SYNRG: variants seen among roughly 807,000 people sequenced by gnomAD.
The protein encoded by SYNRG is synergin gamma.
A neutral mutation model predicts 130.9 loss-of-function variants in SYNRG; 37 were observed. The ratio of observed to expected loss-of-function variants is 0.28; its 90% CI spans 0.22 to 0.37. The LOEUF is 0.37. Ranked by LOEUF, SYNRG falls within the 10% of genes least tolerant of loss-of-function variation. The pLI is 1.00. For synonymous variants in SYNRG, 539 were observed against 568.1 expected (o/e 0.95, Z 0.73); for missense variants, 1,338 against 1,588.9 (o/e 0.84, Z 2.68).
rs1373206011 is a variant in SYNRG, at chr17:37,526,169, C to T, written c.3667-5521G>A. 5.3e-5 allele frequency among the ~76,000 whole-genome samples: 8 copies of T among 152,094 alleles called. No individual in the cohort carries two copies. The East Asian group carries it at 9.6e-4, about 18-fold the overall frequency. On this transcript the variant is annotated intron_variant, in intron 19 of 21. Transcript: ENST00000612223. ...AAGAGTGTCACCTCTGGGAAGAAGC[C>T]TTTAAGACCAATGTGCTATTTCTCA...
rs533713009 is a variant in SYNRG, at chr17:37,607,883, G to C, written c.77+1396C>G. ...AGGCAAGAGAATCGCTTGGACCCAG[G>C]AGGCAGAGGTTGCAGCGGGTCGAGA... On this transcript the variant is annotated intron_variant, in intron 1 of 21. Coordinates refer to ENST00000612223, the MANE Select transcript of SYNRG (RefSeq NM_007247.6). Among the ~76,000 whole-genome samples, 108 of 147,220 alleles carry C rather than the reference G, an allele frequency of 7.3e-4. 1 individual carries two copies. Among genetic ancestry groups the C allele is most frequent in the Admixed American group, 2.6e-3 (37 of 14,140 alleles).
At chr17:37,534,580 ATC>A (rs1393170238) in intron 19 of SYNRG, among the ~76,000 whole-genome samples, 1 of 152,014 alleles carries the variant, frequency 6.6e-6, no homozygotes, top group Non-Finnish European at 1.5e-5. Flanking sequence ...ACATAATTTT[ATC>A]TCTTTTTTCA....
At chr17:37,560,102 G>A (rs369629114) in intron 13 of SYNRG, among the ~76,000 whole-genome samples, 2 of 152,106 alleles carry the variant, frequency 1.3e-5, no homozygotes, top group African/African-American at 4.8e-5. Context: ...GTAGAGACAA[G>A]GTCTCACTAT....
chr17:37,587,598 T>C (rs1436171163), intron 3 of SYNRG, among the ~76,000 whole-genome samples: 1 of 152,218 alleles, frequency 6.6e-6, no homozygotes, highest in Non-Finnish European at 1.5e-5. Flanking sequence ...CATCATCTAC[T>C]ATCCGATCTT....
chr17:37,607,952 T>A (rs2063914382), intron 1 of SYNRG, among the ~76,000 whole-genome samples: 2 of 36,374 alleles, frequency 5.5e-5, no homozygotes. Context: ...CAAGACTTCC[T>A]CTCAAAAAAA....
chr17:37,568,968 A>C, intron 10 of SYNRG, 44 bp from the exon 11 acceptor site: 1 of 1,575,278 alleles, frequency 6.3e-7, no homozygotes, highest in Non-Finnish European at 8.6e-7. Flanking sequence ...CTGACTGACA[A>C]AATAAATACA....
chr17:37,593,117 C>G (rs753682275), intron 3 of SYNRG, among the ~76,000 whole-genome samples: 1 of 151,808 alleles, frequency 6.6e-6, no homozygotes, highest in Non-Finnish European at 1.5e-5. Context: ...TAATAATAAT[C>G]AAGACTAAAT....
intron 19 of SYNRG, among the ~76,000 whole-genome samples, chr17:37,526,825 C>T (rs960001269): frequency 3.9e-5 from 6 of 152,172 alleles, no homozygotes; most frequent in African/African-American, 1.4e-4. Context: ...TCCAGGATAC[C>T]TTCCCCAAAG....
At chr17:37,561,066 G>GT (rs2059491875) in intron 13 of SYNRG, 129 bp downstream of exon 13, 1 of 758,596 alleles carries the variant, frequency 1.3e-6, no homozygotes, top group Non-Finnish European at 2.2e-6. Flanking sequence ...TGTCCATTCA[G>GT]TTTTTTTCTC....
intron 15 of SYNRG, chr17:37,541,586 G>A (rs2057766126): frequency 4.7e-6 from 1 of 214,742 alleles, no homozygotes; most frequent in African/African-American, 2.3e-5. Context: ...GCTAGATGCA[G>A]ATCCCCGGCC....
Position 37,560,427 on chromosome 17 carries a change from CCT to C in SYNRG, c.1663+766_1663+767del, listed in dbSNP as rs1246425571. On this transcript the variant is annotated intron_variant, in intron 13 of 21. Coordinates refer to ENST00000612223, the MANE Select transcript of SYNRG (RefSeq NM_007247.6). ...CTTGGTTCACTGCAACCTCTGCCTCCCTGAGTTCAAGCGATTCTTGTGCCTCA... is the reference window on the plus strand; with the variant it reads ...CTTGGTTCACTGCAACCTCTGCCTCCGAGTTCAAGCGATTCTTGTGCCTCA... 2.7e-5 allele frequency among the ~76,000 whole-genome samples: 4 copies of C among 150,734 alleles called. No individual in the cohort carries two copies. In the East Asian group the frequency reaches 7.8e-4, roughly 30 times the overall value.
chr17:37,536,103 G>A lies in SYNRG; in HGVS notation c.3542C>T (p.Thr1181Ile). ...LLGVVEVYRV[T>I]KRVELGIKAT... ...TTTTATCCCCAGCTCCACACGCTTG[G>A]TTACCCTGTACACTTCAACAACACC... The change falls in exon 19 of 22, where the codon ACC becomes ATC. Residue 1181 changes from threonine (T) to isoleucine (I), a missense_variant. Physicochemically the swap from Thr to Ile is moderately conservative, Grantham distance 89. Transcript: ENST00000612223. 6.2e-7 allele frequency: 1 copy of A among 1,613,774 alleles called. No individual in the cohort carries two copies. The highest frequency in any genetic ancestry group is 8.5e-7 in the Non-Finnish European group (1 of 1,179,890).
intron 6 of SYNRG, among the ~76,000 whole-genome samples, chr17:37,582,482 G>A (rs1172838108): frequency 2.0e-5 from 3 of 152,116 alleles, no homozygotes; most frequent in Non-Finnish European, 2.9e-5. Flanking sequence ...TTTGCATTTG[G>A]CTGGAATGTG....
chr17:37,542,057 G>T lies in SYNRG; in HGVS notation c.3117C>A (p.Phe1039Leu), dbSNP rs1164491348. The stretch of plus-strand genomic sequence containing the variant: ...TTTTGCTTTGTGAAGTGGCTACTAA[G>T]AAGTCAAATTTGCTGATTTTGGGCT... The part of the protein sequence containing the change: ...SEKPKISKFD[F>L]LVATSQSKMK... The change falls in exon 15 of 22, where the codon TTC becomes TTA. Residue 1039 changes from phenylalanine to leucine, a missense_variant. Physicochemically the swap from Phe to Leu is conservative, Grantham distance 22. Around this residue, in one of 3 missense-constraint regions of SYNRG, gnomAD observed 1,146 missense variants for 1,342.3 expected, o/e 0.85. Coordinates refer to ENST00000612223, the MANE Select transcript of SYNRG (RefSeq NM_007247.6). The T allele has an allele frequency of 1.2e-6, 2 of 1,614,186 alleles. No individual in the cohort carries two copies. Among genetic ancestry groups the T allele is most frequent in the Admixed American group, 1.7e-5 (1 of 60,024 alleles).
chr17:37,566,697 C>A (rs936794284), intron 11 of SYNRG, among the ~76,000 whole-genome samples: 4 of 152,064 alleles, frequency 2.6e-5, no homozygotes, highest in African/African-American at 9.7e-5. Flanking sequence ...GATAATGCCA[C>A]ACAAAATTGC....
chr17:37,575,517 T>TG (rs989768552), intron 8 of SYNRG, among the ~76,000 whole-genome samples: 1 of 152,000 alleles, frequency 6.6e-6, no homozygotes, highest in Non-Finnish European at 1.5e-5. Context: ...CTTTTTTTTT[T>TG]CTTCTTGGCT....
intron 3 of SYNRG, among the ~76,000 whole-genome samples, chr17:37,594,811 C>T (rs1391135962): frequency 6.6e-6 from 1 of 152,174 alleles, no homozygotes; most frequent in African/African-American, 2.4e-5. Context: ...GGTTTACATT[C>T]GTCCTGGTAT....
chr17:37,532,238 GA>G (rs2056703617), intron 19 of SYNRG, among the ~76,000 whole-genome samples: 1 of 152,234 alleles, frequency 6.6e-6, no homozygotes, highest in East Asian at 1.9e-4. Flanking sequence ...CTGTCTTCAA[GA>G]AGTTCACAGT....
intron 1 of SYNRG, among the ~76,000 whole-genome samples, chr17:37,606,454 T>A (rs551761547): frequency 1.0e-3 from 155 of 152,326 alleles, no homozygotes; most frequent in African/African-American, 3.6e-3. Context: ...GATGATAACA[T>A]CCCAGAAGAA....
Sources: gnomAD v4.1 joint callset for allele counts (sites outside exome capture counted in the v4.1 genomes callset) on GRCh38, gnomAD v4.1.1 for gene constraint, gnomAD v4.1.1 regional missense constraint, MANE v1.5 for transcripts, NCBI Gene and HGNC (gene_info 2026-07-23, HGNC 2026-07-21) for gene names.